RAB3IP: variants seen among roughly 807,000 people sequenced by gnomAD.
RAB3IP encodes the protein RAB3A interacting protein.
Under a neutral mutation model 59.1 loss-of-function variants are expected in RAB3IP, and 36 were observed. That is an observed-to-expected ratio of 0.61 (90% CI 0.47 to 0.80). RAB3IP has a LOEUF of 0.80. Among genes scored for constraint, RAB3IP ranks in the 30% least tolerant of loss-of-function variants. The pLI, the probability that RAB3IP is intolerant of heterozygous loss-of-function variation, is 0.00. For synonymous variants in RAB3IP, 207 were observed against 191.2 expected (o/e 1.08, Z -0.68); for missense variants, 511 against 536.0 (o/e 0.95, Z 0.46).
chr12:69,818,751 T>C lies in RAB3IP; in HGVS notation c.*3305T>C, dbSNP rs146011008. 15 of 152,314 alleles carry C rather than the reference T, an allele frequency of 9.8e-5. No individual in the cohort carries two copies. Among genetic ancestry groups the C allele is most frequent in the Non-Finnish European group, 1.8e-4 (12 of 68,032 alleles). The allele number at this position is 152,314 out of a possible 1,614,324, so 9.4% of individuals were successfully genotyped here. ...AAGAACAACTAAAACTGAACAGCTGTTTAGGCATTGACATATGTGACAAAA... is the reference window on the plus strand; with the variant it reads ...AAGAACAACTAAAACTGAACAGCTGCTTAGGCATTGACATATGTGACAAAA... On this transcript the variant is annotated 3_prime_UTR_variant, in exon 11 of 11. Transcript: ENST00000247833.
At chr12:69,804,643 T>C (rs1406680022) in intron 8 of RAB3IP, among the ~76,000 whole-genome samples, 1 of 152,232 alleles carries the variant, frequency 6.6e-6, no homozygotes, top group Non-Finnish European at 1.5e-5. Flanking sequence ...AACATTTAAG[T>C]CTTTAATCCA....
chr12:69,751,830 T>C (rs1869359331), intron 1 of RAB3IP, among the ~76,000 whole-genome samples: 1 of 152,156 alleles, frequency 6.6e-6, no homozygotes, highest in Non-Finnish European at 1.5e-5. Context: ...TTTATTTGCT[T>C]TATGTTTAGG....
At chr12:69,765,391 A>T (rs1872028713) in intron 3 of RAB3IP, among the ~76,000 whole-genome samples, 1 of 152,172 alleles carries the variant, frequency 6.6e-6, no homozygotes, top group Admixed American at 6.5e-5. Context: ...CTCTGTTGAG[A>T]TGATCGTATG....
chr12:69,756,223 T>C (rs1039151051), intron 2 of RAB3IP, among the ~76,000 whole-genome samples, 182 bp from the exon 3 acceptor site: 1 of 152,204 alleles, frequency 6.6e-6, no homozygotes, highest in Non-Finnish European at 1.5e-5. Flanking sequence ...ATATGAATGA[T>C]AGGTATTAAC....
chr12:69,795,591 G>T (rs1043050279), intron 6 of RAB3IP: 2 of 581,022 alleles, frequency 3.4e-6, no homozygotes, highest in African/African-American at 3.7e-5. Context: ...ATTAAGGGAG[G>T]AAACTGTCAT....
chr12:69,756,545 GTGA>G lies in RAB3IP; in HGVS notation c.397_399del (p.Asp133del). On this transcript the variant is annotated inframe_deletion, in exon 3 of 11. Coordinates refer to ENST00000247833, the MANE Select transcript of RAB3IP (RefSeq NM_022456.5). ...ACTATAACAGAGGCTTGCGATGGCAGTGATGATATTTTTGGGTTGAGTACTGAT... is the reference window on the plus strand; with the variant it reads ...ACTATAACAGAGGCTTGCGATGGCAGTGATATTTTTGGGTTGAGTACTGAT... The G allele has an allele frequency of 6.2e-7, 1 of 1,614,164 alleles. No homozygotes were observed. The highest frequency in any genetic ancestry group is 8.5e-7 in the Non-Finnish European group (1 of 1,180,022).
intron 1 of RAB3IP, among the ~76,000 whole-genome samples, chr12:69,754,517 C>T (rs1481708169): frequency 6.6e-6 from 1 of 152,056 alleles, no homozygotes; most frequent in African/African-American, 2.4e-5. Flanking sequence ...TTACTCTAAC[C>T]AAGGTCATGT....
At chr12:69,739,595 A>C in intron 1 of RAB3IP, 1 of 578,188 alleles carries the variant, frequency 1.7e-6, no homozygotes, top group Non-Finnish European at 3.1e-6. Flanking sequence ...CGTAGAGGTC[A>C]CCCTCGGGAG....
At chr12:69,739,844 G>T in intron 1 of RAB3IP, 1 of 1,614,120 alleles carries the variant, frequency 6.2e-7, no homozygotes, top group Non-Finnish European at 8.5e-7. Context: ...GTTGCCGGTT[G>T]TTATGGGATT....
At chr12:69,741,974 A>G (rs1006288722) in intron 1 of RAB3IP, among the ~76,000 whole-genome samples, 1 of 152,236 alleles carries the variant, frequency 6.6e-6, no homozygotes, top group Non-Finnish European at 1.5e-5. Context: ...CTCATTGAGC[A>G]TCTACTCTGC....
intron 1 of RAB3IP, among the ~76,000 whole-genome samples, chr12:69,741,395 A>G (rs1354881595): frequency 6.6e-6 from 1 of 152,236 alleles, no homozygotes; most frequent in Non-Finnish European, 1.5e-5. Context: ...AATGGAACGT[A>G]GTGCTTTTGT....
chr12:69,754,071 A>G (rs1329329086), intron 1 of RAB3IP, among the ~76,000 whole-genome samples: 1 of 152,156 alleles, frequency 6.6e-6, no homozygotes, highest in Non-Finnish European at 1.5e-5. Flanking sequence ...TTCAATCCTC[A>G]CAGCAACCAG....
intron 4 of RAB3IP, among the ~76,000 whole-genome samples, chr12:69,791,616 A>C (rs751413720): frequency 1.3e-5 from 2 of 152,186 alleles, no homozygotes; most frequent in Non-Finnish European, 2.9e-5. Flanking sequence ...CCCCAATGAG[A>C]TAGCACCCCA....
intron 3 of RAB3IP, among the ~76,000 whole-genome samples, chr12:69,771,171 G>A (rs921557023): frequency 1.3e-5 from 2 of 152,112 alleles, no homozygotes; most frequent in Admixed American, 1.3e-4. Context: ...CCCATATTGT[G>A]ACAAATGACA....
rs143383736 is a variant in RAB3IP at position 69,780,994 on chromosome 12, A to G, written c.511-3726A>G. Among the ~76,000 whole-genome samples the G allele has an allele frequency of 3.3e-3, 498 of 152,290 alleles. 5 individuals carry two copies. The highest frequency in any genetic ancestry group is 0.011 in the African/African-American group (443 of 41,572). On this transcript the variant is annotated intron_variant, in intron 3 of 10. Transcript: ENST00000247833. ...AGTTACAAGTATTATCTTAATGCCA[A>G]TCACTGTGTTCATAAATGTACTTGG...
At chr12:69,768,058 C>T (rs140360148) in intron 3 of RAB3IP, among the ~76,000 whole-genome samples, 257 of 152,234 alleles carry the variant, frequency 1.7e-3, no homozygotes, top group African/African-American at 6.1e-3. Context: ...GGTGGAGCAG[C>T]TCAAGCTTCT....
intron 3 of RAB3IP, among the ~76,000 whole-genome samples, chr12:69,764,078 A>C (rs1345113098): frequency 6.6e-6 from 1 of 152,188 alleles, no homozygotes; most frequent in East Asian, 1.9e-4. Context: ...ATGTGAGTGC[A>C]TGTGTCTTTT....
At chr12:69,785,632 A>G (rs1565903902) in intron 4 of RAB3IP, among the ~76,000 whole-genome samples, 1 of 152,124 alleles carries the variant, frequency 6.6e-6, no homozygotes, top group East Asian at 1.9e-4. Flanking sequence ...TTTTTGTTCT[A>G]TTCAGGCCAT....
intron 1 of RAB3IP, among the ~76,000 whole-genome samples, chr12:69,745,952 T>G (rs1277377288): frequency 7.0e-6 from 1 of 142,046 alleles, no homozygotes; most frequent in Admixed American, 6.9e-5. Flanking sequence ...TCTCAGCCTC[T>G]TTTTTTTATA....
Sources: allele counts gnomAD v4.1 joint callset (sites outside exome capture counted in the v4.1 genomes callset), GRCh38; gene constraint gnomAD v4.1.1; transcripts MANE v1.5; gene names NCBI Gene and HGNC (gene_info 2026-07-23, HGNC 2026-07-21).